Variants in CDKAL1 observed in about 807,000 individuals in gnomAD.
The protein encoded by CDKAL1 is CDKAL1 threonylcarbamoyladenosine tRNA methylthiotransferase.
CDKAL1 carries 32 observed loss-of-function variants against 68.2 expected under a neutral mutation model. The observed-to-expected ratio is 0.47, with a 90% CI of 0.35 to 0.63. CDKAL1 has a LOEUF of 0.63. CDKAL1 is among the 30% of genes least tolerant of loss of function. The pLI is 0.00. For synonymous variants in CDKAL1, 234 were observed against 244.3 expected, an observed-to-expected ratio of 0.96 and a Z score of 0.39; for missense variants, 606 against 696.7, an observed-to-expected ratio of 0.87 and a Z score of 1.47.
intron 5 of CDKAL1, among the ~76,000 whole-genome samples, chr6:20,723,265 T>C (rs1772473972): frequency 6.6e-6 from 1 of 152,080 alleles, no homozygotes; most frequent in African/African-American, 2.4e-5. Flanking sequence ...CCAGCTGAGC[T>C]GCTAACACAC....
chr6:21,133,054 A>T (rs1421486511), intron 13 of CDKAL1, among the ~76,000 whole-genome samples: 5 of 152,360 alleles, frequency 3.3e-5, no homozygotes, highest in African/African-American at 1.2e-4. Flanking sequence ...AAAAATAGTC[A>T]TTAGTATTAA....
rs536017024 is a variant in CDKAL1 at position 21,219,869 on chromosome 6, G to A, written c.1549-10979G>A. 8.6e-4 allele frequency among the ~76,000 whole-genome samples: 131 copies of A among 152,302 alleles called. 1 individual carries two copies. The highest frequency in any genetic ancestry group is 2.9e-3 in the African/African-American group (120 of 41,568). ...TGAGTTGAACTGATGACTTAAAGAT[G>A]AAGTTTAATACACCCAATTGTTATG... On this transcript the variant is annotated intron_variant, in intron 15 of 15. Coordinates refer to ENST00000274695, the MANE Select transcript of CDKAL1 (RefSeq NM_017774.3).
chr6:20,610,560 C>A (rs1766574771), intron 4 of CDKAL1, among the ~76,000 whole-genome samples: 1 of 151,230 alleles, frequency 6.6e-6, no homozygotes, highest in Non-Finnish European at 1.5e-5. Context: ...GCCCAGTCTT[C>A]CCTCTCCTCT....
intron 4 of CDKAL1, among the ~76,000 whole-genome samples, chr6:20,573,522 A>G (rs527915987): frequency 2.6e-5 from 4 of 152,314 alleles, no homozygotes; most frequent in South Asian, 2.1e-4. Flanking sequence ...GATGATTTAT[A>G]TGTTGTCTTA....
chr6:21,171,407 G>A (rs375883815), intron 13 of CDKAL1, among the ~76,000 whole-genome samples: 7 of 151,800 alleles, frequency 4.6e-5, no homozygotes, highest in African/African-American at 9.7e-5. Context: ...TAGAGATGGG[G>A]TTCACCATGT....
intron 5 of CDKAL1, among the ~76,000 whole-genome samples, chr6:20,687,443 A>T (rs1471995242): frequency 6.6e-6 from 1 of 152,168 alleles, no homozygotes; most frequent in Non-Finnish European, 1.5e-5. Flanking sequence ...TGGGTTATGA[A>T]ATTTGTGATT....
intron 4 of CDKAL1, among the ~76,000 whole-genome samples, chr6:20,629,139 A>C (rs561445743): frequency 1.8e-4 from 27 of 152,218 alleles, no homozygotes; most frequent in African/African-American, 6.3e-4. Context: ...CTCTCTCTTT[A>C]CTTGCCTTTA....
At chr6:20,639,077 A>G (rs925046159) in intron 4 of CDKAL1, among the ~76,000 whole-genome samples, 1 of 152,192 alleles carries the variant, frequency 6.6e-6, no homozygotes, top group Non-Finnish European at 1.5e-5. Flanking sequence ...TGATTTGACT[A>G]TGACCAGGCC....
chr6:20,650,587 G>A (rs1054375194), intron 5 of CDKAL1, among the ~76,000 whole-genome samples: 3 of 152,120 alleles, frequency 2.0e-5, no homozygotes, highest in African/African-American at 7.2e-5. Flanking sequence ...TTTTGCTTTT[G>A]TCGAAATTGC....
intron 5 of CDKAL1, among the ~76,000 whole-genome samples, chr6:20,695,063 A>C (rs1312238676): frequency 2.0e-5 from 3 of 152,090 alleles, no homozygotes; most frequent in Non-Finnish European, 4.4e-5. Context: ...ACATTCAACT[A>C]TTCCTTTATA....
At chr6:20,861,391 A>G (rs1488772450) in intron 9 of CDKAL1, among the ~76,000 whole-genome samples, 1 of 152,236 alleles carries the variant, frequency 6.6e-6, no homozygotes, top group Admixed American at 6.5e-5. Context: ...TTCAGAGGCC[A>G]TGTGTGCCAT....
chr6:21,023,305 T>A (rs558438608), intron 11 of CDKAL1, among the ~76,000 whole-genome samples: 1 of 152,286 alleles, frequency 6.6e-6, no homozygotes, highest in Admixed American at 6.5e-5. Flanking sequence ...CAGGTCAGAT[T>A]TAAGGATACC....
At chr6:20,652,456 C>CT (rs886627930) in intron 5 of CDKAL1, among the ~76,000 whole-genome samples, 38 of 152,122 alleles carry the variant, frequency 2.5e-4, no homozygotes, top group African/African-American at 8.0e-4. Flanking sequence ...AAGAAGTATC[C>CT]TTTTTTCACA....
At chr6:21,157,529 T>G (rs1470044465) in intron 13 of CDKAL1, among the ~76,000 whole-genome samples, 1 of 152,240 alleles carries the variant, frequency 6.6e-6, no homozygotes, top group African/African-American at 2.4e-5. Context: ...CATATGCTTG[T>G]GTTGATATCT....
At chr6:21,149,095 GGA>G (rs1397890957) in intron 13 of CDKAL1, among the ~76,000 whole-genome samples, 1 of 152,060 alleles carries the variant, frequency 6.6e-6, no homozygotes, top group Non-Finnish European at 1.5e-5. Context: ...GTAAACATTT[GGA>G]GGACAAGGAG....
chr6:20,780,217 G>A (rs964696108), intron 7 of CDKAL1, among the ~76,000 whole-genome samples: 3 of 149,956 alleles, frequency 2.0e-5, no homozygotes, highest in Non-Finnish European at 3.0e-5. Context: ...TTTTTGTATT[G>A]TATTCTTCCA....
intron 13 of CDKAL1, among the ~76,000 whole-genome samples, chr6:21,190,913 CAA>C (rs1282052498): frequency 2.0e-5 from 3 of 151,924 alleles, no homozygotes; most frequent in Middle Eastern, 6.8e-3. Context: ...CATTATTTTC[CAA>C]AGCCACGTCA....
intron 9 of CDKAL1, among the ~76,000 whole-genome samples, chr6:20,897,299 A>C (rs1184684811): frequency 6.6e-6 from 1 of 152,200 alleles, no homozygotes; most frequent in Non-Finnish European, 1.5e-5. Context: ...GGACACCACA[A>C]GAAAAGAGAC....
intron 15 of CDKAL1, among the ~76,000 whole-genome samples, chr6:21,226,958 C>T (rs550186506): frequency 2.0e-5 from 3 of 152,338 alleles, no homozygotes; most frequent in Admixed American, 6.5e-5. Flanking sequence ...TGATCCGCCT[C>T]GGCCTCCCAA....
Sources: gnomAD v4.1 joint callset for allele counts (sites outside exome capture counted in the v4.1 genomes callset) on GRCh38, gnomAD v4.1.1 for gene constraint, MANE v1.5 for transcripts, NCBI Gene and HGNC (gene_info 2026-07-23, HGNC 2026-07-21) for gene names.